Variants in MCPH1 observed in about 807,000 individuals in gnomAD.
MCPH1 encodes microcephalin.
A neutral mutation model predicts 84.5 loss-of-function variants in MCPH1; 104 were observed. That is an observed-to-expected ratio of 1.23 (90% CI 1.05 to 1.45). The LOEUF (loss-of-function observed/expected upper bound fraction) is 1.45. Ranked by LOEUF, MCPH1 falls within the 40% of genes most tolerant of loss-of-function variation. MCPH1 has a pLI of 0.00. For synonymous variants in MCPH1, 514 were observed against 366.8 expected (o/e 1.40, Z -4.58); for missense variants, 1,498 against 1,005.7 (o/e 1.49, Z -6.62).
Position 6,645,486 on chromosome 8 carries a change from A to C in MCPH1, c.*2437A>C, listed in dbSNP as rs1036517114. 3.3e-5 allele frequency: 5 copies of C among 152,190 alleles called. No individual in the cohort carries two copies. The South Asian group carries it at 1.0e-3, about 32-fold the overall frequency. 9.4% of individuals were successfully genotyped at this position (152,190 alleles called of 1,614,324 possible). On this transcript the variant is annotated 3_prime_UTR_variant, in exon 14 of 14. Transcript: ENST00000344683. Reference sequence around the variant, plus strand: ...CACCACTGTTATTCAACGTTGCATTAAAGTTTCTACCCAGAGAAGGCAATA... The same window carrying C: ...CACCACTGTTATTCAACGTTGCATTCAAGTTTCTACCCAGAGAAGGCAATA...
chr8:6,529,599 A>T (rs1819060563), intron 12 of MCPH1, among the ~76,000 whole-genome samples: 1 of 150,498 alleles, frequency 6.6e-6, no homozygotes, highest in Non-Finnish European at 1.5e-5. Context: ...TGGGTCTATA[A>T]GTGCACACAA....
intron 12 of MCPH1, among the ~76,000 whole-genome samples, chr8:6,555,498 G>A (rs1450838750): frequency 2.0e-5 from 3 of 148,902 alleles, no homozygotes; most frequent in East Asian, 2.0e-4. Context: ...ATCTCACTGC[G>A]TAGCCCAGGC....
intron 12 of MCPH1, among the ~76,000 whole-genome samples, chr8:6,619,734 A>C (rs1387210452): frequency 6.6e-6 from 1 of 151,986 alleles, no homozygotes; most frequent in Non-Finnish European, 1.5e-5. Context: ...ACAGGTGCCC[A>C]CCACCACGCC....
At chr8:6,637,800 G>T (rs552534640) in intron 13 of MCPH1, among the ~76,000 whole-genome samples, 123 of 152,168 alleles carry the variant, frequency 8.1e-4, no homozygotes, top group African/African-American at 2.8e-3. Flanking sequence ...AAGCAGTCTC[G>T]GACCTTTGCA....
At chr8:6,531,586 C>G (rs1188932999) in intron 12 of MCPH1, among the ~76,000 whole-genome samples, 1 of 152,210 alleles carries the variant, frequency 6.6e-6, no homozygotes, top group Non-Finnish European at 1.5e-5. Context: ...GCTACTGCGC[C>G]TGGCCACTAG....
chr8:6,614,093 G>C (rs1371005487), intron 12 of MCPH1, among the ~76,000 whole-genome samples: 1 of 152,064 alleles, frequency 6.6e-6, no homozygotes. Flanking sequence ...ACATTGTCAC[G>C]TGTAACTCTA....
intron 3 of MCPH1, among the ~76,000 whole-genome samples, chr8:6,424,032 C>T (rs772981911): frequency 5.3e-5 from 8 of 152,148 alleles, no homozygotes; most frequent in Non-Finnish European, 8.8e-5. Context: ...CTTTCCAATG[C>T]AGTAGCTCAT....
At chr8:6,642,022 T>C (rs1413281551) in intron 13 of MCPH1, among the ~76,000 whole-genome samples, 3 of 152,314 alleles carry the variant, frequency 2.0e-5, no homozygotes, top group Non-Finnish European at 2.9e-5. Flanking sequence ...ATAACTAAGA[T>C]AAGTCATTTT....
intron 1 of MCPH1, among the ~76,000 whole-genome samples, chr8:6,407,982 T>C (rs1797980384): frequency 6.6e-6 from 1 of 152,236 alleles, no homozygotes; most frequent in South Asian, 2.1e-4. Flanking sequence ...ATATTACCTA[T>C]GGTTATGTTT....
chr8:6,419,160 C>G (rs903987841), intron 3 of MCPH1, among the ~76,000 whole-genome samples: 10 of 32,838 alleles, frequency 3.0e-4, no homozygotes, highest in Non-Finnish European at 6.2e-4. Context: ...CAGACACACA[C>G]ACACACACAC....
chr8:6,501,545 TTTTC>T (rs1406414178), intron 12 of MCPH1: 4 of 151,244 alleles, frequency 2.6e-5, no homozygotes, highest in Non-Finnish European at 4.4e-5. Context: ...TCAAATTTTC[TTTTC>T]TTTCTTTTTT....
In MCPH1 at chr8:6,428,745, G is replaced by GCACACACACACACA. The variant is rs59969242; in HGVS notation, c.234-2743_234-2730dup. Among the ~76,000 whole-genome samples the GCACACACACACACA allele has an allele frequency of 4.3e-4, 64 of 149,544 alleles. 1 individual carries two copies. The highest frequency in any genetic ancestry group is 1.5e-3 in the African/African-American group (63 of 41,060). ...TTCCATTGTATGGACACGTGCGCAC[G>GCACACACACACACA]CACACACACACACACACACACACAG... On this transcript the variant is annotated intron_variant, in intron 3 of 13. Coordinates refer to ENST00000344683, the MANE Select transcript of MCPH1 (RefSeq NM_024596.5).
chr8:6,537,883 C>G (rs893600094), intron 12 of MCPH1, among the ~76,000 whole-genome samples: 1 of 152,110 alleles, frequency 6.6e-6, no homozygotes, highest in African/African-American at 2.4e-5. Flanking sequence ...TTGAGAGATC[C>G]TTTCTATTTA....
intron 12 of MCPH1, among the ~76,000 whole-genome samples, chr8:6,513,391 G>T (rs1180036894): frequency 6.8e-6 from 1 of 146,746 alleles, no homozygotes; most frequent in Non-Finnish European, 1.5e-5. Context: ...GCAGTGCCGT[G>T]GCACGATCTC....
intron 12 of MCPH1, chr8:6,527,653 A>C (rs756859469): frequency 1.2e-6 from 2 of 1,613,874 alleles, no homozygotes; most frequent in South Asian, 1.1e-5. Flanking sequence ...GCTGAAGTTC[A>C]AGTCTCGTGG....
Position 6,643,790 on chromosome 8 carries a change from G to A in MCPH1, c.*741G>A, listed in dbSNP as rs1197877452. 3.3e-5 allele frequency: 5 copies of A among 152,740 alleles called. No homozygotes were observed. In the East Asian group the frequency reaches 9.7e-4, roughly 29 times the overall value. The allele number at this position is 152,740 out of a possible 1,614,324, so 9.5% of individuals were successfully genotyped here. A position where few individuals can be genotyped will look rare whatever the true frequency, so the allele number is the denominator to read the frequency against. ...CTCTTAAAGTAATGAAAGGAGATAGGTATGGGGGGTGTTATACAGGATAAT... is the reference window on the plus strand; with the variant it reads ...CTCTTAAAGTAATGAAAGGAGATAGATATGGGGGGTGTTATACAGGATAAT... On this transcript the variant is annotated 3_prime_UTR_variant, in exon 14 of 14. Transcript: ENST00000344683.
chr8:6,488,786 C>A lies in MCPH1; in HGVS notation c.2136+7910C>A, dbSNP rs539683112. ...GAGTGGCAGCTTTTGTCTCTGTGGC[C>A]TCTCAGCAAAGAATGGATTGCAGGG... On this transcript the variant is annotated intron_variant, in intron 11 of 13. Coordinates refer to ENST00000344683, the MANE Select transcript of MCPH1 (RefSeq NM_024596.5). Among the ~76,000 whole-genome samples the A allele has an allele frequency of 2.0e-5, 3 of 152,108 alleles. No homozygotes were observed. The East Asian group carries it at 5.8e-4, about 30-fold the overall frequency.
intron 12 of MCPH1, among the ~76,000 whole-genome samples, chr8:6,534,313 G>A (rs1013932873): frequency 5.3e-5 from 8 of 152,136 alleles, no homozygotes; most frequent in African/African-American, 1.7e-4. Context: ...AAGCAACCTC[G>A]AGATGATTTA....
intron 12 of MCPH1, among the ~76,000 whole-genome samples, chr8:6,554,434 A>T (rs1280489668): frequency 2.0e-5 from 3 of 152,200 alleles, no homozygotes. Context: ...TCTATGAGAC[A>T]TCGTCAACAT....
Sources: gnomAD v4.1 joint callset for allele counts (sites outside exome capture counted in the v4.1 genomes callset) on GRCh38, gnomAD v4.1.1 for gene constraint, MANE v1.5 for transcripts, NCBI Gene and HGNC (gene_info 2026-07-23, HGNC 2026-07-21) for gene names.